The following TRIM37 variants were observed in gnomAD, a reference collection of about 807,000 sequenced individuals.
TRIM37 encodes the protein tripartite motif containing 37.
TRIM37 carries 80 observed loss-of-function variants against 129.8 expected under a neutral mutation model. The observed-to-expected ratio is 0.62, with a 90% CI of 0.51 to 0.74. The LOEUF (loss-of-function observed/expected upper bound fraction) is 0.74. Among genes scored for constraint, TRIM37 ranks in the 30% least tolerant of loss-of-function variants. The probability of loss-of-function intolerance (pLI) is 0.00; values close to 1 mark genes in which losing one functional copy is unlikely to be tolerated. For synonymous variants in TRIM37, 389 were observed against 387.1 expected (o/e 1.00, Z -0.06); for missense variants, 1,054 against 1,176.5 (o/e 0.90, Z 1.52).
intron 22 of TRIM37, among the ~76,000 whole-genome samples, chr17:59,011,581 C>T (rs997345789): frequency 6.6e-6 from 1 of 152,268 alleles, no homozygotes; most frequent in African/African-American, 2.4e-5. Context: ...TTCTTTTCTA[C>T]CAATTTATAA....
chr17:58,982,404 G>T (rs1282349180), downstream of TRIM37: 1 of 152,736 alleles, frequency 6.5e-6, no homozygotes, highest in East Asian at 1.9e-4. Context: ...CCCTCCCCTA[G>T]TCAACAGCAG....
chr17:58,989,119 G>A (rs2032100603), intron 24 of TRIM37, among the ~76,000 whole-genome samples: 2 of 152,298 alleles, frequency 1.3e-5, no homozygotes, highest in Admixed American at 1.3e-4. Flanking sequence ...CTGAAGATAT[G>A]AAACATTCAT....
At chr17:59,081,758 G>A (rs1320020334) in intron 5 of TRIM37, among the ~76,000 whole-genome samples, 4 of 151,070 alleles carry the variant, frequency 2.6e-5, no homozygotes, top group African/African-American at 7.3e-5. Flanking sequence ...AATACAAAAT[G>A]TAGCCACGCA....
At position 58,992,198 on chromosome 17, in the gene TRIM37, A is replaced by G. The variant is rs146602588; in HGVS notation, c.2891+7183T>C. ...TAGGGTGAGGCCTGGGAGAGGCCCA[A>G]ATGTGAAGGCCCCTTGACTTCAGGA... On this transcript the variant is annotated intron_variant, in intron 24 of 24. Transcript: ENST00000393066. 2.2e-3 allele frequency among the ~76,000 whole-genome samples: 329 copies of G among 150,094 alleles called. 3 individuals are homozygous for G. The highest frequency in any genetic ancestry group is 7.7e-3 in the African/African-American group (314 of 40,878).
At chr17:59,066,178 T>TA (rs2041907223) in intron 9 of TRIM37, among the ~76,000 whole-genome samples, 1 of 152,188 alleles carries the variant, frequency 6.6e-6, no homozygotes, top group African/African-American at 2.4e-5. Flanking sequence ...CCAATGCAAT[T>TA]AGTGCCTAGG....
intron 19 of TRIM37, among the ~76,000 whole-genome samples, chr17:59,024,683 T>C (rs113943494): frequency 2.0e-5 from 3 of 152,324 alleles, no homozygotes; most frequent in African/African-American, 7.2e-5. Flanking sequence ...CATACCACCA[T>C]GACTGGCTTA....
chr17:58,993,127 A>T (rs926650830), intron 24 of TRIM37, among the ~76,000 whole-genome samples: 23 of 152,266 alleles, frequency 1.5e-4, no homozygotes, highest in African/African-American at 5.3e-4. Flanking sequence ...TGGTTTTATA[A>T]GGGGGAGTTT....
chr17:59,081,798 T>A (rs2043276937), intron 5 of TRIM37, among the ~76,000 whole-genome samples: 1 of 151,364 alleles, frequency 6.6e-6, no homozygotes, highest in Non-Finnish European at 1.5e-5. Flanking sequence ...TCCCAGCTAC[T>A]CAAGAGGCTG....
chr17:58,980,009 G>A, downstream of TRIM37: 1 of 1,614,038 alleles, frequency 6.2e-7, no homozygotes, highest in Non-Finnish European at 8.5e-7. This position sits in a 1 kb window ranked among gnomAD's most constrained non-coding sequence, Gnocchi z 4.7. Flanking sequence ...CTGTGGGGAT[G>A]CAGATTCTGC....
intron 12 of TRIM37, among the ~76,000 whole-genome samples, chr17:59,060,735 T>G (rs1478017192): frequency 6.6e-6 from 1 of 152,190 alleles, no homozygotes; most frequent in Non-Finnish European, 1.5e-5. Context: ...ATTTCATACA[T>G]GTATTTCAAT....
Position 59,088,377 on chromosome 17 carries a change from A to G in TRIM37, c.195T>C (p.Asn65=), listed in dbSNP as rs748387880. ...RAPLQLRELV[N]CRWAEEVTQQ... Reference sequence around the variant, plus strand: ...GTGTTACTTCTTCTGCCCAACGACAATTTACTAGTTCTCGTAGCTGGAGTG... The same window carrying G: ...GTGTTACTTCTTCTGCCCAACGACAGTTTACTAGTTCTCGTAGCTGGAGTG... Residue 65 remains asparagine (N), a synonymous_variant, in exon 4 of 24, where the codon AAT becomes AAC. Coordinates refer to ENST00000262294, the MANE Select transcript of TRIM37 (RefSeq NM_015294.6). 6.2e-7 allele frequency: 1 copy of G among 1,613,772 alleles called. No homozygotes were observed. The highest frequency in any genetic ancestry group is 8.5e-7 in the Non-Finnish European group (1 of 1,179,710).
intron 2 of TRIM37, among the ~76,000 whole-genome samples, chr17:59,103,093 G>A (rs1260199423): frequency 1.3e-5 from 2 of 151,944 alleles, no homozygotes; most frequent in African/African-American, 2.4e-5. Context: ...GGATGGTCTC[G>A]AACTCCTGAC....
chr17:59,049,967 A>G (rs2040183496), intron 14 of TRIM37, among the ~76,000 whole-genome samples: 1 of 152,200 alleles, frequency 6.6e-6, no homozygotes, highest in Non-Finnish European at 1.5e-5. Flanking sequence ...TTTAAATAGC[A>G]CATTTAACAT....
chr17:59,012,300 G>T, intron 22 of TRIM37, 28 bp downstream of exon 22: 1 of 1,456,320 alleles, frequency 6.9e-7, no homozygotes, highest in Non-Finnish European at 9.5e-7. Flanking sequence ...CTCATTTCCT[G>T]CTTACTTATA....
chr17:58,980,977 A>G (rs139507695), downstream of TRIM37: 1 of 1,614,064 alleles, frequency 6.2e-7, no homozygotes, highest in South Asian at 1.1e-5. This position sits in a 1 kb window ranked among gnomAD's most constrained non-coding sequence, Gnocchi z 4.7. Context: ...GGAAGCTCAG[A>G]AAGACTCATG....
At chr17:59,046,365 T>C (rs2039796725) in intron 16 of TRIM37, among the ~76,000 whole-genome samples, 1 of 152,144 alleles carries the variant, frequency 6.6e-6, no homozygotes, top group Non-Finnish European at 1.5e-5. Context: ...ACTGACATCA[T>C]GCTCCACTCT....
In TRIM37 at chr17:59,041,910, C is replaced by T; in HGVS notation, c.1668-12G>A. The T allele has an allele frequency of 3.2e-6, 5 of 1,583,724 alleles. No homozygotes were observed. Among genetic ancestry groups the T allele is most frequent in the Non-Finnish European group, 4.3e-6 (5 of 1,152,756 alleles). On this transcript the variant is annotated splice_polypyrimidine_tract_variant and intron_variant, in intron 16 of 23. Transcript: ENST00000262294. ...CATTTTCTCCAGACCTAAGAATATA[C>T]AAAATCCATCATTTATATAGAGTGA...
At chr17:58,987,005 G>A (rs1598736947) in intron 24 of TRIM37, among the ~76,000 whole-genome samples, 2 of 152,156 alleles carry the variant, frequency 1.3e-5, no homozygotes, top group East Asian at 3.8e-4. Context: ...AGTTGGTTGA[G>A]CCTGCCTCTT....
In TRIM37 at chr17:59,028,725, T is replaced by A; in HGVS notation, c.1949-2A>T. On this transcript the variant is annotated splice_acceptor_variant, in intron 18 of 23. Coordinates refer to ENST00000262294, the MANE Select transcript of TRIM37 (RefSeq NM_015294.6). LOFTEE classifies it high-confidence loss of function. ...CTTTATCTTTTCGAGAATATGATGCTTCAGAGAAATTGACAAGTCATGTTA... is the reference window on the plus strand; with the variant it reads ...CTTTATCTTTTCGAGAATATGATGCATCAGAGAAATTGACAAGTCATGTTA... 6.2e-7 allele frequency: 1 copy of A among 1,614,170 alleles called. No homozygotes were observed. The highest frequency in any genetic ancestry group is 8.5e-7 in the Non-Finnish European group (1 of 1,179,992).
Sources: allele counts gnomAD v4.1 joint callset (sites outside exome capture counted in the v4.1 genomes callset), GRCh38; gene constraint gnomAD v4.1.1; non-coding constraint Gnocchi (gnomAD v3.1); transcripts MANE v1.5; gene names NCBI Gene and HGNC (gene_info 2026-07-23, HGNC 2026-07-21).